Variants in MCC observed in about 807,000 individuals in gnomAD.
MCC encodes the protein MCC regulator of Wnt signaling pathway, also known as colorectal mutant cancer protein.
A neutral mutation model predicts 116.2 loss-of-function variants in MCC; 90 were observed. The ratio of observed to expected loss-of-function variants is 0.77; its 90% confidence interval spans 0.65 to 0.92. The LOEUF (loss-of-function observed/expected upper bound fraction) is 0.92, where lower values mean the gene tolerates loss of function less well. Among genes scored for constraint, MCC ranks in the 40% least tolerant of loss-of-function variants. MCC has a pLI of 0.00. For synonymous variants in MCC, 578 were observed against 510.5 expected (o/e 1.13, Z -1.78); for missense variants, 1,516 against 1,312.2 (o/e 1.16, Z -2.40).
In MCC at chr5:113,152,444, G is replaced by A. The variant is rs143804415; in HGVS notation, c.628-1022C>T. On this transcript the variant is annotated intron_variant, in intron 3 of 18. Coordinates refer to ENST00000408903, the MANE Select transcript of MCC (RefSeq NM_001085377.2). The stretch of plus-strand genomic sequence containing the variant: ...ACTGAATTCCATACTACATTTGGGT[G>A]AACAACTGGAATTAGAACAAACCAA... 2.5e-3 allele frequency among the ~76,000 whole-genome samples: 375 copies of A among 152,312 alleles called. 1 individual carries two copies. The highest frequency in any genetic ancestry group is 0.01 in the Middle Eastern group (3 of 294).
intron 16 of MCC, chr5:113,048,784 T>C: frequency 2.1e-6 from 1 of 481,288 alleles, no homozygotes; most frequent in Non-Finnish European, 3.6e-6. Context: ...GGCTGCCGTG[T>C]GACAGAGGAT....
intron 3 of MCC, among the ~76,000 whole-genome samples, chr5:113,218,796 A>G (rs1763426226): frequency 6.6e-6 from 1 of 151,554 alleles, no homozygotes. Flanking sequence ...ACTTGGGGAA[A>G]AAAATCCTCA....
intron 1 of MCC, among the ~76,000 whole-genome samples, chr5:113,387,854 T>G (rs1052837262): frequency 2.0e-5 from 3 of 152,236 alleles, no homozygotes; most frequent in Admixed American, 6.5e-5. Flanking sequence ...TTATTATGGT[T>G]GTTTTATAAT....
At chr5:113,198,043 G>C (rs192639052) in intron 3 of MCC, among the ~76,000 whole-genome samples, 5 of 152,368 alleles carry the variant, frequency 3.3e-5, no homozygotes, top group African/African-American at 1.2e-4. Flanking sequence ...GCCACGCTGT[G>C]AGCCTATATA....
chr5:113,475,812 A>C (rs1304712060), intron 1 of MCC, among the ~76,000 whole-genome samples: 1 of 152,182 alleles, frequency 6.6e-6, no homozygotes, highest in Non-Finnish European at 1.5e-5. Context: ...AAAGGACTTT[A>C]AGACTTTAAG....
intron 1 of MCC, among the ~76,000 whole-genome samples, chr5:113,431,965 G>A (rs1402287264): frequency 2.6e-5 from 4 of 152,000 alleles, no homozygotes; most frequent in Admixed American, 6.5e-5. Flanking sequence ...GTGAAACAAC[G>A]TCTCTACTAA....
At chr5:113,422,330 A>T (rs1482759879) in intron 1 of MCC, among the ~76,000 whole-genome samples, 1 of 152,232 alleles carries the variant, frequency 6.6e-6, no homozygotes, top group Non-Finnish European at 1.5e-5. Context: ...GGATAACTGT[A>T]AATATAGTAA....
intron 2 of MCC, 106 bp downstream of exon 2, chr5:113,384,862 A>G (rs1366288847): frequency 7.7e-7 from 1 of 1,302,696 alleles, no homozygotes; most frequent in African/African-American, 1.5e-5. Context: ...CAGCCTCAGT[A>G]TGAGCTGAGG....
At chr5:113,204,761 A>C (rs1393575430) in intron 3 of MCC, among the ~76,000 whole-genome samples, 1 of 152,222 alleles carries the variant, frequency 6.6e-6, no homozygotes, top group Admixed American at 6.5e-5. Flanking sequence ...GGGTAATTGC[A>C]TCTACTTCTG....
At chr5:113,275,880 G>A (rs1393086177) in intron 3 of MCC, among the ~76,000 whole-genome samples, 2 of 152,046 alleles carry the variant, frequency 1.3e-5, no homozygotes, top group Non-Finnish European at 2.9e-5. Flanking sequence ...CACCAAGGGA[G>A]GCTGTATATG....
At chr5:113,395,525 C>A (rs1769505435) in intron 1 of MCC, among the ~76,000 whole-genome samples, 1 of 152,154 alleles carries the variant, frequency 6.6e-6, no homozygotes, top group African/African-American at 2.4e-5. Context: ...TTACTGAGCA[C>A]CAGGCGTATA....
In MCC at chr5:113,049,205, T is replaced by G. The variant is rs1193412656; in HGVS notation, c.2543A>C (p.Gln848Pro). The G allele has an allele frequency of 3.1e-6, 5 of 1,614,060 alleles. No homozygotes were observed. Among genetic ancestry groups the G allele is most frequent in the Non-Finnish European group, 4.2e-6 (5 of 1,180,026 alleles). Residue 848 changes from glutamine to proline, a missense_variant, in exon 16 of 19, where the codon CAG becomes CCG. Transcript: ENST00000408903. ...GTGCTCAATGTGCACCAGGTAGGCC[T>G]GCTCCTGGGCCTCCCGCGTGCTCAG... ...LKLSTREAQE[Q>P]AYLVHIEHLK...
rs1205851899 is a variant in MCC, at chr5:113,215,337, T to C, written c.628-63915A>G. Among the ~76,000 whole-genome samples, 6 of 152,170 alleles carry C rather than the reference T, an allele frequency of 3.9e-5. No homozygotes were observed. In the East Asian group the frequency reaches 1.2e-3, roughly 29 times the overall value. ...ACCTTAAGAGATGTTTCTTAATATC[T>C]GTTGAAAAAAGGATCTCAAGTATGA... On this transcript the variant is annotated intron_variant, in intron 3 of 18. Coordinates refer to ENST00000408903, the MANE Select transcript of MCC (RefSeq NM_001085377.2).
At chr5:113,232,324 A>G (rs1763966262) in intron 3 of MCC, among the ~76,000 whole-genome samples, 1 of 152,168 alleles carries the variant, frequency 6.6e-6, no homozygotes, top group South Asian at 2.1e-4. Flanking sequence ...ACTGGGTCTC[A>G]GTGGATTTCA....
Position 113,297,882 on chromosome 5 carries a change from T to C in MCC, c.627+42637A>G, listed in dbSNP as rs190751242. On this transcript the variant is annotated intron_variant, in intron 3 of 18. Coordinates refer to ENST00000408903, the MANE Select transcript of MCC (RefSeq NM_001085377.2). Reference sequence around the variant, plus strand: ...CTTGTAGATCTAGAACTTGGCTGATTGGGGTTAAGGTAATGTCCTCAACAA... The same window carrying C: ...CTTGTAGATCTAGAACTTGGCTGATCGGGGTTAAGGTAATGTCCTCAACAA... Among the ~76,000 whole-genome samples the C allele has an allele frequency of 4.6e-5, 7 of 151,788 alleles. No homozygotes were observed. In the South Asian group the frequency reaches 1.5e-3, roughly 32 times the overall value.
At chr5:113,415,072 T>A (rs181299406) in intron 1 of MCC, among the ~76,000 whole-genome samples, 107 of 152,356 alleles carry the variant, frequency 7.0e-4, no homozygotes, top group Admixed American at 5.3e-3. Context: ...AATTCTTTTC[T>A]TTAAGAATGT....
chr5:113,208,956 G>A (rs748415409), intron 3 of MCC, among the ~76,000 whole-genome samples: 1 of 152,202 alleles, frequency 6.6e-6, no homozygotes, highest in Non-Finnish European at 1.5e-5. Context: ...GCTAAGGGTC[G>A]TGGTATATAT....
chr5:113,067,518 T>A (rs1379238048), intron 13 of MCC, among the ~76,000 whole-genome samples: 1 of 152,138 alleles, frequency 6.6e-6, no homozygotes, highest in East Asian at 1.9e-4. Flanking sequence ...GTGCCTGTAA[T>A]CCCAGCTACT....
intron 17 of MCC, among the ~76,000 whole-genome samples, chr5:113,036,910 A>G (rs1751367721): frequency 6.6e-6 from 1 of 152,240 alleles, no homozygotes; most frequent in African/African-American, 2.4e-5. Flanking sequence ...TTGCGTGCTA[A>G]TGAAGCCACA....
Sources: gnomAD v4.1 joint callset for allele counts (sites outside exome capture counted in the v4.1 genomes callset) on GRCh38, gnomAD v4.1.1 for gene constraint, MANE v1.5 for transcripts, NCBI Gene and HGNC (gene_info 2026-07-23, HGNC 2026-07-21) for gene names.